The following XPO6 variants were observed in gnomAD, a reference collection of about 807,000 sequenced individuals.
XPO6 encodes exportin 6, also known as exportin-6.
In XPO6, 3 loss-of-function variants were observed where a neutral mutation model predicts 130.0. The ratio of observed to expected loss-of-function variants is 0.02; its 90% confidence interval spans 0.01 to 0.06. XPO6 has a LOEUF of 0.06. XPO6 is among the 10% of genes least tolerant of loss of function. The pLI is 1.00. For synonymous variants in XPO6, 524 were observed against 548.9 expected (o/e 0.95, Z 0.63); for missense variants, 970 against 1,393.0 (o/e 0.70, Z 4.83).
chr16:28,104,568 G>A lies in XPO6; in HGVS notation c.2924C>T (p.Pro975Leu), dbSNP rs766063007. Residue 975 changes from proline to leucine, a missense_variant, in exon 21 of 24, where the codon CCC becomes CTC. Physicochemically the swap from Pro to Leu is moderately conservative, Grantham distance 98 (BLOSUM62 -3). Around this residue, in one of 4 missense-constraint regions of XPO6, gnomAD observed 936 missense variants for 1,306.8 expected, o/e 0.72. Transcript: ENST00000304658. ...TACCTGCATGATGGCACTGAACTGG[G>A]GCTCATTCTCCATCTGCTCCTCAGC... Reference protein sequence around the residue: ...GIAEEQMENEPQFSAIMQAFG... With the variant: ...GIAEEQMENELQFSAIMQAFG... 3.7e-6 allele frequency: 6 copies of A among 1,614,178 alleles called. No homozygotes were observed. Among genetic ancestry groups the A allele is most frequent in the South Asian group, 1.1e-5 (1 of 91,084 alleles).
In XPO6 at chr16:28,197,305, G is replaced by A. The variant is rs1481152950; in HGVS notation, c.3+14061C>T. ...GCTTTTTGAAAAGTAACTAACTTACGACTGGAAAAAATTAAAATATGTTAA... is the reference window on the plus strand; with the variant it reads ...GCTTTTTGAAAAGTAACTAACTTACAACTGGAAAAAATTAAAATATGTTAA... On this transcript the variant is annotated intron_variant, in intron 1 of 23. Coordinates refer to ENST00000304658, the MANE Select transcript of XPO6 (RefSeq NM_015171.4). Among the ~76,000 whole-genome samples the A allele has an allele frequency of 2.6e-5, 4 of 152,104 alleles. No homozygotes were observed. In the South Asian group the frequency reaches 8.3e-4, roughly 32 times the overall value.
chr16:28,143,422 A>G (rs2042930282), intron 9 of XPO6, among the ~76,000 whole-genome samples: 1 of 152,232 alleles, frequency 6.6e-6, no homozygotes, highest in African/African-American at 2.4e-5. Context: ...CCATCCTGCA[A>G]GAGAAGTGTT....
rs1422109443 is a variant in XPO6, at chr16:28,132,338, C to T, written c.1602G>A (p.Gly534=). ...LGLQQFIVTS[G]SGHRLNITAE... is the part of the protein sequence containing the mutation. ...AGAAAATAAAAACCAGTTTACCTGA[C>T]CCTGAAGTGACTATAAACTGTTGTA... Residue 534 remains glycine (G), a synonymous_variant, in exon 12 of 24, where the codon GGG becomes GGA. Transcript: ENST00000304658. The surrounding 1 kb of genome is among the most constrained non-coding windows in gnomAD (Gnocchi z 4.0). The T allele has an allele frequency of 1.9e-6, 3 of 1,604,414 alleles. No individual in the cohort carries two copies. Among genetic ancestry groups the T allele is most frequent in the Non-Finnish European group, 1.7e-6 (2 of 1,174,124 alleles).
At chr16:28,151,237 G>A (rs1311230743) in intron 8 of XPO6, among the ~76,000 whole-genome samples, 2 of 140,292 alleles carry the variant, frequency 1.4e-5, no homozygotes, top group Non-Finnish European at 3.1e-5. Context: ...TGACCCATTA[G>A]TTTCATCCCT....
chr16:28,144,904 A>G (rs1469362628), intron 9 of XPO6, among the ~76,000 whole-genome samples: 1 of 152,202 alleles, frequency 6.6e-6, no homozygotes, highest in Non-Finnish European at 1.5e-5. Flanking sequence ...GGATCCAAAC[A>G]TAGGTCTGTG....
chr16:28,127,994 T>C (rs951869527), intron 12 of XPO6, among the ~76,000 whole-genome samples: 2 of 152,116 alleles, frequency 1.3e-5, no homozygotes, highest in African/African-American at 4.8e-5. Flanking sequence ...AGCAACAGAA[T>C]GACCATCCCA....
chr16:28,144,185 T>C (rs1211153071), intron 9 of XPO6, among the ~76,000 whole-genome samples: 1 of 152,214 alleles, frequency 6.6e-6, no homozygotes, highest in African/African-American at 2.4e-5. Context: ...CAGGATCTCC[T>C]GTGTGTAATA....
intron 7 of XPO6, 21 bp downstream of exon 7, chr16:28,156,053 C>A (rs2043179234): frequency 6.3e-7 from 1 of 1,575,424 alleles, no homozygotes; most frequent in Non-Finnish European, 8.6e-7. Flanking sequence ...GGCACACCAG[C>A]TCCACACTTG....
chr16:28,164,474 AT>A (rs1044368635), intron 6 of XPO6, among the ~76,000 whole-genome samples: 34 of 151,752 alleles, frequency 2.2e-4, no homozygotes, highest in African/African-American at 7.7e-4. Context: ...TGAACATGCA[AT>A]TTTTTTTTAA....
intron 21 of XPO6, among the ~76,000 whole-genome samples, chr16:28,104,190 T>C (rs2086720239): frequency 6.6e-6 from 1 of 152,152 alleles, no homozygotes; most frequent in Non-Finnish European, 1.5e-5. Context: ...CGGAGACTCA[T>C]ATTCAGGCAG....
intron 12 of XPO6, among the ~76,000 whole-genome samples, chr16:28,126,136 T>C (rs533496141): frequency 2.6e-5 from 4 of 152,310 alleles, no homozygotes; most frequent in Non-Finnish European, 4.4e-5. Context: ...CTGATTCCTT[T>C]TGACCCTGTA....
intron 15 of XPO6, 61 bp downstream of exon 15, chr16:28,117,257 A>G: frequency 6.3e-7 from 1 of 1,595,968 alleles, no homozygotes; most frequent in Non-Finnish European, 8.6e-7. Flanking sequence ...GTAAATGGGT[A>G]TAGGAACAGA....
chr16:28,146,672 G>C (rs553595369), intron 8 of XPO6, among the ~76,000 whole-genome samples: 1 of 152,324 alleles, frequency 6.6e-6, no homozygotes, highest in East Asian at 1.9e-4. Context: ...AAAGGTGACA[G>C]GTTCACACAT....
At chr16:28,151,082 C>T (rs965979707) in intron 8 of XPO6, among the ~76,000 whole-genome samples, 1 of 151,212 alleles carries the variant, frequency 6.6e-6, no homozygotes, top group African/African-American at 2.4e-5. Context: ...GAAAGGACAG[C>T]TTTCCCAACA....
At chr16:28,200,532 G>A (rs530015354) in intron 1 of XPO6, among the ~76,000 whole-genome samples, 34 of 151,408 alleles carry the variant, frequency 2.2e-4, no homozygotes, top group Admixed American at 3.9e-4. Context: ...CCCAGGCTGG[G>A]GTGCAGTGAG....
intron 21 of XPO6, among the ~76,000 whole-genome samples, chr16:28,104,157 A>G (rs1037909549): frequency 6.6e-6 from 1 of 152,194 alleles, no homozygotes; most frequent in Non-Finnish European, 1.5e-5. Context: ...TCAGAATCAC[A>G]GTGCAGGTCT....
At chr16:28,189,249 A>G (rs1484883146) in intron 1 of XPO6, among the ~76,000 whole-genome samples, 3 of 114,746 alleles carry the variant, frequency 2.6e-5, no homozygotes, top group Non-Finnish European at 5.4e-5. Context: ...CCCAGCTGAC[A>G]CTTCCTTTAA....
intron 21 of XPO6, 153 bp from the exon 22 acceptor site, chr16:28,102,098 T>C (rs1186369529): frequency 1.7e-6 from 1 of 601,974 alleles, no homozygotes; most frequent in African/African-American, 1.9e-5. Flanking sequence ...TCCTCCTAAG[T>C]CTCAGAGTTC....
At chr16:28,211,285 G>A (rs1379912622) in intron 1 of XPO6, 81 bp downstream of exon 1, 4 of 1,283,130 alleles carry the variant, frequency 3.1e-6, no homozygotes, top group African/African-American at 1.5e-5. Flanking sequence ...GGAGAGCAGC[G>A]ATGGCTCAGC....
Sources: allele counts gnomAD v4.1 joint callset (sites outside exome capture counted in the v4.1 genomes callset), GRCh38; gene constraint gnomAD v4.1.1; regional missense constraint gnomAD v4.1.1; non-coding constraint Gnocchi (gnomAD v3.1); transcripts MANE v1.5; gene names NCBI Gene and HGNC (gene_info 2026-07-23, HGNC 2026-07-21).